The following AMPH variants were observed in gnomAD, a reference collection of about 807,000 sequenced individuals.
AMPH encodes the protein amphiphysin (Stiff-Mann syndrome with breast cancer 128kD autoantigen).
AMPH carries 49 observed loss-of-function variants against 99.1 expected under a neutral mutation model. The observed-to-expected ratio is 0.49, with a 90% CI of 0.39 to 0.63. AMPH has a LOEUF of 0.63. Among genes scored for constraint, AMPH ranks in the 20% least tolerant of loss-of-function variants. The pLI is 0.00. For synonymous variants in AMPH, 314 were observed against 317.3 expected (o/e 0.99, Z 0.11); for missense variants, 759 against 863.4 (o/e 0.88, Z 1.52).
At chr7:38,597,761 G>A (rs1204172022) in intron 1 of AMPH, among the ~76,000 whole-genome samples, 1 of 152,156 alleles carries the variant, frequency 6.6e-6, no homozygotes, top group Non-Finnish European at 1.5e-5. Flanking sequence ...ACCATATGCT[G>A]AGATATCTTA....
intron 1 of AMPH, among the ~76,000 whole-genome samples, chr7:38,626,509 T>C (rs1267766620): frequency 6.6e-6 from 1 of 152,164 alleles, no homozygotes; most frequent in Non-Finnish European, 1.5e-5. Flanking sequence ...AAACAGAAAC[T>C]GGACCCCTTC....
chr7:38,587,090 C>A (rs1048594758), intron 1 of AMPH, among the ~76,000 whole-genome samples: 15 of 152,014 alleles, frequency 9.9e-5, no homozygotes. Context: ...ATAAAATGAC[C>A]AGTACCTGTG....
chr7:38,601,669 A>G (rs987180354), intron 1 of AMPH, among the ~76,000 whole-genome samples: 2 of 152,190 alleles, frequency 1.3e-5, no homozygotes, highest in African/African-American at 4.8e-5. Context: ...AGGTAAGGTA[A>G]TGGAATGGAA....
chr7:38,574,828 G>A (rs1278632080), intron 1 of AMPH, among the ~76,000 whole-genome samples: 3 of 152,026 alleles, frequency 2.0e-5, no homozygotes, highest in Admixed American at 1.3e-4. Flanking sequence ...GGCCGGGGCG[G>A]GCAGATCACG....
At chr7:38,618,098 AAC>A in intron 1 of AMPH, among the ~76,000 whole-genome samples, 1 of 152,344 alleles carries the variant, frequency 6.6e-6, no homozygotes, top group South Asian at 2.1e-4. Context: ...TTGTTTATTA[AAC>A]AGAGTCCATT....
intron 1 of AMPH, among the ~76,000 whole-genome samples, chr7:38,578,410 T>A (rs1307531967): frequency 6.6e-6 from 1 of 152,194 alleles, no homozygotes; most frequent in Non-Finnish European, 1.5e-5. Context: ...GCAAGTGATA[T>A]GTTAGTATTT....
chr7:38,622,956 A>T (rs1350764930), intron 1 of AMPH, among the ~76,000 whole-genome samples: 1 of 152,180 alleles, frequency 6.6e-6, no homozygotes, highest in Non-Finnish European at 1.5e-5. Context: ...TGTTCCCTGC[A>T]GTGCTCATCC....
chr7:38,616,721 C>G (rs1202501808), intron 1 of AMPH, among the ~76,000 whole-genome samples: 1 of 152,088 alleles, frequency 6.6e-6, no homozygotes, highest in Non-Finnish European at 1.5e-5. Flanking sequence ...TGATGAGGAG[C>G]AAAAGAAGTA....
intron 1 of AMPH, among the ~76,000 whole-genome samples, chr7:38,549,142 C>A (rs1049702609): frequency 6.6e-6 from 1 of 152,142 alleles, no homozygotes; most frequent in African/African-American, 2.4e-5. Context: ...ACTCCTTTAC[C>A]CTCACTATCT....
At chr7:38,501,103 A>G (rs1789119044) in intron 3 of AMPH, among the ~76,000 whole-genome samples, 1 of 152,218 alleles carries the variant, frequency 6.6e-6, no homozygotes, top group African/African-American at 2.4e-5. Flanking sequence ...CTCTGGAGAA[A>G]CACAGAACGA....
At chr7:38,432,594 A>G (rs1786077513) in intron 12 of AMPH, among the ~76,000 whole-genome samples, 1 of 131,690 alleles carries the variant, frequency 7.6e-6, no homozygotes, top group South Asian at 2.2e-4. Flanking sequence ...TAATACACAC[A>G]CACACACACA....
Position 38,466,192 on chromosome 7 carries a change from A to C in AMPH, c.647T>G (p.Phe216Cys). Residue 216 changes from phenylalanine to cysteine, a missense_variant, in exon 8 of 21, where the codon TTT becomes TGT. By Grantham distance (205) the Phe-to-Cys change is radical. Transcript: ENST00000356264. ...ACTCACCACCGCAATTTCCTTATGA[A>C]ACTTGGCTTCAAGGCTGGAGACGTT... ...FKNVSSLEAK[F>C]HKEIAVLCHK... 1 of 1,601,934 alleles carries C rather than the reference A, an allele frequency of 6.2e-7. No homozygotes were observed. The highest frequency in any genetic ancestry group is 1.1e-5 in the South Asian group (1 of 88,266).
At chr7:38,429,930 C>T (rs879920183) in intron 13 of AMPH, 65 bp from the exon 14 acceptor site, 101 of 1,456,614 alleles carry the variant, frequency 6.9e-5, no homozygotes, top group Non-Finnish European at 9.3e-5. Context: ...CAATAAAATC[C>T]TATGCTGTCT....
Position 38,436,342 on chromosome 7 carries a change from T to C in AMPH, c.1064A>G (p.Asp355Gly). ...CACCTCGGGCTTGAAAGGATCAAAG[T>C]CCAGATCCAGCAAAGTCTCCTCTTT... ...VKKEETLLDL[D>G]FDPFKPEVTP... Residue 355 changes from aspartate (D) to glycine (G), a missense_variant, in exon 12 of 21, where the codon GAC (aspartate) becomes GGC (glycine). By Grantham distance (94) the Asp-to-Gly change is moderately conservative (BLOSUM62 -1). Coordinates refer to ENST00000356264, the MANE Select transcript of AMPH (RefSeq NM_001635.4). The C allele has an allele frequency of 6.2e-7, 1 of 1,614,098 alleles. No homozygotes were observed. Among genetic ancestry groups the C allele is most frequent in the Non-Finnish European group, 8.5e-7 (1 of 1,180,006 alleles).
chr7:38,595,416 T>C (rs1037752287), intron 1 of AMPH, among the ~76,000 whole-genome samples: 6 of 152,114 alleles, frequency 3.9e-5, no homozygotes, highest in African/African-American at 1.4e-4. Flanking sequence ...AGGAGGATAG[T>C]CCCTGCCATG....
intron 2 of AMPH, among the ~76,000 whole-genome samples, chr7:38,508,147 T>C (rs1430599456): frequency 1.3e-5 from 2 of 152,200 alleles, no homozygotes; most frequent in Non-Finnish European, 2.9e-5. Flanking sequence ...GAATTAATGA[T>C]TTCTAAGGAA....
At chr7:38,547,230 A>T (rs960063069) in intron 1 of AMPH, among the ~76,000 whole-genome samples, 1 of 152,054 alleles carries the variant, frequency 6.6e-6, no homozygotes, top group East Asian at 1.9e-4. Context: ...GTTTCCCATA[A>T]CCCTCCCCAC....
intron 1 of AMPH, among the ~76,000 whole-genome samples, chr7:38,542,692 C>T (rs891937019): frequency 6.6e-6 from 1 of 152,136 alleles, no homozygotes; most frequent in African/African-American, 2.4e-5. Flanking sequence ...TAAAAACTGA[C>T]CTCCTATAAT....
Position 38,579,150 on chromosome 7 carries a change from G to C in AMPH, c.70-44139C>G, listed in dbSNP as rs568720077. 6.6e-5 allele frequency among the ~76,000 whole-genome samples: 10 copies of C among 152,336 alleles called. No homozygotes were observed. In the East Asian group the frequency reaches 7.7e-4, roughly 12 times the overall value. On this transcript the variant is annotated intron_variant, in intron 1 of 20. Transcript: ENST00000356264. ...ACTCTAAGCCAACTAAGGACAGATAGAAAGACCACAAAACACCCAGAAGAG... is the reference window on the plus strand; with the variant it reads ...ACTCTAAGCCAACTAAGGACAGATACAAAGACCACAAAACACCCAGAAGAG...
Sources: gnomAD v4.1 joint callset for allele counts (sites outside exome capture counted in the v4.1 genomes callset) on GRCh38, gnomAD v4.1.1 for gene constraint, MANE v1.5 for transcripts, NCBI Gene and HGNC (gene_info 2026-07-23, HGNC 2026-07-21) for gene names.